GLYCTK: variants seen among roughly 807,000 people sequenced by gnomAD.
GLYCTK encodes the protein HBeAg binding protein 4.
Under a neutral mutation model 24.8 loss-of-function variants are expected in GLYCTK, and 22 were observed. That is an observed-to-expected ratio of 0.89 (90% CI 0.63 to 1.27). The LOEUF (loss-of-function observed/expected upper bound fraction) is 1.27. GLYCTK is among the 50% of genes most tolerant of loss of function. The probability of loss-of-function intolerance (pLI) is 0.00; values close to 1 mark genes in which losing one functional copy is unlikely to be tolerated. For synonymous variants in GLYCTK, 320 were observed against 297.2 expected, an observed-to-expected ratio of 1.08 and a Z score of -0.79; for missense variants, 684 against 686.7, an observed-to-expected ratio of 1.00 and a Z score of 0.04.
Position 52,293,331 on chromosome 3 carries a change from C to G in GLYCTK, c.*205C>G, listed in dbSNP as rs1481687129. Reference sequence around the variant, plus strand: ...GCCAGACTGGCAGATGGGGGCTTCCCCCTACCCCTGAGGATGAGGACAAGC... The same window carrying G: ...GCCAGACTGGCAGATGGGGGCTTCCGCCTACCCCTGAGGATGAGGACAAGC... On this transcript the variant is annotated 3_prime_UTR_variant, in exon 5 of 5. Coordinates refer to ENST00000436784, the MANE Select transcript of GLYCTK (RefSeq NM_145262.4). 1 of 709,536 alleles carries G rather than the reference C, an allele frequency of 1.4e-6. No homozygotes were observed. Among genetic ancestry groups the G allele is most frequent in the Non-Finnish European group, 2.5e-6 (1 of 393,068 alleles). The allele number at this position is 709,536 out of a possible 1,614,324, so 44.0% of individuals were successfully genotyped here. A position where few individuals can be genotyped will look rare whatever the true frequency, so the allele number is the denominator to read the frequency against.
chr3:52,294,237 C>G lies in GLYCTK; in HGVS notation c.*1111C>G, dbSNP rs201615303. ...CGCTGGCTGTCCCCGCCGTGCGCCA[C>G]GGCTCCAATCCCTATATGAGTGAGC... On this transcript the variant is annotated 3_prime_UTR_variant, in exon 5 of 5. Transcript: ENST00000436784. 1 of 534,788 alleles carries G rather than the reference C, an allele frequency of 1.9e-6. No homozygotes were observed. Among genetic ancestry groups the G allele is most frequent in the Non-Finnish European group, 3.8e-6 (1 of 260,102 alleles). 33.1% of individuals were successfully genotyped at this position (534,788 alleles called of 1,614,324 possible).
In GLYCTK at chr3:52,294,283, A is replaced by G. The variant is rs369542511; in HGVS notation, c.*1157A>G. The G allele has an allele frequency of 1.9e-6, 1 of 534,770 alleles. No individual in the cohort carries two copies. Among genetic ancestry groups the G allele is most frequent in the Non-Finnish European group, 3.8e-6 (1 of 260,092 alleles). 33.1% of individuals were successfully genotyped at this position (534,770 alleles called of 1,614,324 possible). On this transcript the variant is annotated 3_prime_UTR_variant, in exon 5 of 5. Coordinates refer to ENST00000436784, the MANE Select transcript of GLYCTK (RefSeq NM_145262.4). ...TGAGCAGTAGAATCACATAGGAATAAAAAGCCATAGAGAACAGCGAGGCCT... is the reference window on the plus strand; with the variant it reads ...TGAGCAGTAGAATCACATAGGAATAGAAAGCCATAGAGAACAGCGAGGCCT...
Position 52,293,899 on chromosome 3 carries a change from AC to A in GLYCTK, c.*779del. 2.2e-6 allele frequency: 1 copy of A among 453,456 alleles called. No individual in the cohort carries two copies. Among genetic ancestry groups the A allele is most frequent in the South Asian group, 1.6e-5 (1 of 64,440 alleles). 28.1% of individuals were successfully genotyped at this position (453,456 alleles called of 1,614,324 possible). On this transcript the variant is annotated 3_prime_UTR_variant, in exon 5 of 5. Coordinates refer to ENST00000436784, the MANE Select transcript of GLYCTK (RefSeq NM_145262.4). The stretch of plus-strand genomic sequence containing the variant: ...TTCTGGTTGAGCTGAAGTTTGTCCC[AC>A]CCCCCAGTGCTGTTTCCTTGTGACA...
In GLYCTK at chr3:52,292,597, A is replaced by T. The variant is rs1700515942; in HGVS notation, c.1043A>T (p.Tyr348Phe). ...QGDVKSMAQF[Y>F]GLLAHVARTR... is the part of the protein sequence containing the mutation. ...GATGTAAAAAGTATGGCCCAGTTCT[A>T]CGGGCTGCTGGCCCATGTGGCTAGA... The change falls in exon 5 of 5, where the codon TAC becomes TTC. Residue 348 changes from tyrosine to phenylalanine, a missense_variant. By Grantham distance (22) the Tyr-to-Phe change is conservative. Transcript: ENST00000436784. 6.2e-7 allele frequency: 1 copy of T among 1,613,650 alleles called. No homozygotes were observed. The highest frequency in any genetic ancestry group is 1.3e-5 in the African/African-American group (1 of 74,938).
Position 52,292,337 on chromosome 3 carries a change from C to A in GLYCTK, c.783C>A (p.Ser261=). 1.9e-6 allele frequency: 3 copies of A among 1,614,028 alleles called. No homozygotes were observed. Among genetic ancestry groups the A allele is most frequent in the Non-Finnish European group, 2.5e-6 (3 of 1,180,000 alleles). Residue 261 remains serine, a synonymous_variant, in exon 5 of 5, where the codon TCC becomes TCA. Transcript: ENST00000436784. ...CCAGTGGCCCCACCGTGGCCAGTTC[C>A]CACAATGTGCAAGATTGCCTGCATA... ...VIASGPTVAS[S]HNVQDCLHIL...
chr3:52,290,072 C>T (rs761807851), intron 1 of GLYCTK: 14 of 534,186 alleles, frequency 2.6e-5, no homozygotes, highest in African/African-American at 3.8e-5. Context: ...ATCCAGAGGG[C>T]CGGCATGTGG....
chr3:52,292,048 C>T, intron 4 of GLYCTK, 126 bp downstream of exon 4: 1 of 1,165,312 alleles, frequency 8.6e-7, no homozygotes, highest in Non-Finnish European at 1.2e-6. Context: ...ATGGGGCCGG[C>T]TGGGTGACAT....
rs563928797 is a variant in GLYCTK, at chr3:52,292,943, C to G, written c.1389C>G (p.Ala463=). ...GQDGPTEAAG[A]WVTPELASQA... ...ATGGGCCCACAGAGGCTGCTGGGGC[C>G]TGGGTCACACCTGAGCTTGCCAGCC... is the stretch of plus-strand genomic sequence containing the variant. The change falls in exon 5 of 5, where the codon GCC becomes GCG. Residue 463 remains alanine, a synonymous_variant. Transcript: ENST00000436784. The G allele has an allele frequency of 1.2e-6, 2 of 1,614,072 alleles. No individual in the cohort carries two copies. The highest frequency in any genetic ancestry group is 1.7e-5 in the Admixed American group (1 of 60,024).
In GLYCTK at chr3:52,290,469, G is replaced by T. The variant is rs546919622; in HGVS notation, c.127G>T (p.Glu43Ter). The change falls in exon 2 of 5, where the codon GAG (glutamate) becomes TAG (stop). Residue 43 changes from glutamate to a stop codon, truncating the protein, a stop_gained. Transcript: ENST00000436784. LOFTEE classifies it high-confidence loss of function. Reference protein sequence around the residue: ...ALAEQARQLFESAVGAVLPGP... With the variant: ...ALAEQARQLF The stretch of plus-strand genomic sequence containing the variant: ...GGCAGAGCAGGCCAGGCAGCTGTTT[G>T]AGAGTGCTGTAGGTGCAGTGCTGCC... 2 of 1,613,088 alleles carry T rather than the reference G, an allele frequency of 1.2e-6. No homozygotes were observed. Among genetic ancestry groups the T allele is most frequent in the Admixed American group, 3.3e-5 (2 of 60,026 alleles).
rs368572307 is a variant in GLYCTK, at chr3:52,290,792, G to A, written c.377+73G>A. On this transcript the variant is annotated intron_variant, in intron 2 of 4. Coordinates refer to ENST00000436784, the MANE Select transcript of GLYCTK (RefSeq NM_145262.4). ...CCTGGGCCCAGACACAGGCTGAATC[G>A]GGCCTCCCCTCCCCACCCGCTTCCC... 4.8e-4 allele frequency: 764 copies of A among 1,588,850 alleles called. 9 individuals carry two copies. In the East Asian group the frequency reaches 0.016, roughly 33 times the overall value.
chr3:52,291,815 A>G lies in GLYCTK; in HGVS notation c.598A>G (p.Arg200Gly). The G allele has an allele frequency of 6.2e-7, 1 of 1,613,766 alleles. No homozygotes were observed. Among genetic ancestry groups the G allele is most frequent in the Non-Finnish European group, 8.5e-7 (1 of 1,179,920 alleles). The change falls in exon 4 of 5, where the codon AGA becomes GGA. Residue 200 changes from arginine (R) to glycine (G), a missense_variant. Transcript: ENST00000436784. ...ACTGGAGGAGAAGCAGACACTCACT[A>G]GACTGCTGGCAGCCCGTGGAGCCAC... is the stretch of plus-strand genomic sequence containing the variant. Reference protein sequence around the residue: ...VTLEEKQTLTRLLAARGATIQ... With the variant: ...VTLEEKQTLTGLLAARGATIQ...
chr3:52,291,332 A>G (rs949449308), intron 3 of GLYCTK: 2 of 614,026 alleles, frequency 3.3e-6, no homozygotes, highest in Non-Finnish European at 5.8e-6. Flanking sequence ...TTTCGGTGAC[A>G]GTGAGAGGGT....
In GLYCTK at chr3:52,293,998, C is replaced by T; in HGVS notation, c.*872C>T. 2.3e-6 allele frequency: 1 copy of T among 428,138 alleles called. No homozygotes were observed. Among genetic ancestry groups the T allele is most frequent in the Non-Finnish European group, 4.7e-6 (1 of 210,556 alleles). The allele number at this position is 428,138 out of a possible 1,614,324, so 26.5% of individuals were successfully genotyped here. A position where few individuals can be genotyped will look rare whatever the true frequency, so the allele number is the denominator to read the frequency against. ...GGGGACCAAGTCCAGACCCTGAAGT[C>T]AGCCCTTCAGTGGGGGTCCCAGCAC... On this transcript the variant is annotated 3_prime_UTR_variant, in exon 5 of 5. Coordinates refer to ENST00000436784, the MANE Select transcript of GLYCTK (RefSeq NM_145262.4).
rs546297771 is a variant in GLYCTK, at chr3:52,287,844, A to G, written c.-72A>G. On this transcript the variant is annotated 5_prime_UTR_variant, in exon 1 of 5. Transcript: ENST00000436784. ...CCACCCCCTAGTACTTCCGTTCTCCAGCGCTGGGCACCGCGGCCGGAGCTG... is the reference window on the plus strand; with the variant it reads ...CCACCCCCTAGTACTTCCGTTCTCCGGCGCTGGGCACCGCGGCCGGAGCTG... 1.3e-5 allele frequency: 6 copies of G among 452,772 alleles called. No individual in the cohort carries two copies. The highest frequency in any genetic ancestry group is 2.7e-5 in the Non-Finnish European group (6 of 226,016). The allele number at this position is 452,772 out of a possible 1,614,324, so 28.0% of individuals were successfully genotyped here. A position where few individuals can be genotyped will look rare whatever the true frequency, so the allele number is the denominator to read the frequency against.
Position 52,292,861 on chromosome 3 carries a change from G to T in GLYCTK, c.1307G>T (p.Arg436Met), listed in dbSNP as rs760946607. ...CTGCGTGTTGGAGCAGAGTTGAGAA[G>T]GTGGCCGCTGGGGCCGATAGATGTG... The part of the protein sequence containing the change: ...LALRVGAELR[R>M]WPLGPIDVLF... The change falls in exon 5 of 5, where the codon AGG (arginine) becomes ATG (methionine). Residue 436 changes from arginine (R) to methionine (M), a missense_variant. Arg to Met is a moderately conservative substitution (Grantham distance 91). Coordinates refer to ENST00000436784, the MANE Select transcript of GLYCTK (RefSeq NM_145262.4). 45 of 1,613,872 alleles carry T rather than the reference G, an allele frequency of 2.8e-5. No individual in the cohort carries two copies. The highest frequency in any genetic ancestry group is 3.6e-5 in the Non-Finnish European group (43 of 1,179,984).
chr3:52,294,232 C>T lies in GLYCTK; in HGVS notation c.*1106C>T, dbSNP rs534564382. On this transcript the variant is annotated 3_prime_UTR_variant, in exon 5 of 5. Transcript: ENST00000436784. ...CCCTCCGCTGGCTGTCCCCGCCGTG[C>T]GCCACGGCTCCAATCCCTATATGAG... 3.2e-5 allele frequency: 17 copies of T among 534,730 alleles called. No individual in the cohort carries two copies. Among genetic ancestry groups the T allele is most frequent in the African/African-American group, 3.8e-5 (2 of 52,090 alleles). The allele number at this position is 534,730 out of a possible 1,614,324, so 33.1% of individuals were successfully genotyped here. A position where few individuals can be genotyped will look rare whatever the true frequency, so the allele number is the denominator to read the frequency against.
In GLYCTK at chr3:52,293,593, G is replaced by C. The variant is rs1216780673; in HGVS notation, c.*467G>C. ...CAGGACTCTTAACACCCCTCTACTG[G>C]GCTGGGTACGTGCAGGATGTGCCTC... On this transcript the variant is annotated 3_prime_UTR_variant, in exon 5 of 5. Coordinates refer to ENST00000436784, the MANE Select transcript of GLYCTK (RefSeq NM_145262.4). 2 of 456,662 alleles carry C rather than the reference G, an allele frequency of 4.4e-6. No homozygotes were observed. Among genetic ancestry groups the C allele is most frequent in the South Asian group, 1.6e-5 (1 of 64,510 alleles). 28.3% of individuals were successfully genotyped at this position (456,662 alleles called of 1,614,324 possible). A position where few individuals can be genotyped will look rare whatever the true frequency, so the allele number is the denominator to read the frequency against.
Position 52,294,017 on chromosome 3 carries a change from C to A in GLYCTK, c.*891C>A. 2.4e-6 allele frequency: 1 copy of A among 424,934 alleles called. No individual in the cohort carries two copies. Among genetic ancestry groups the A allele is most frequent in the Non-Finnish European group, 4.8e-6 (1 of 208,510 alleles). 26.3% of individuals were successfully genotyped at this position (424,934 alleles called of 1,614,324 possible). Reference sequence around the variant, plus strand: ...TGAAGTCAGCCCTTCAGTGGGGGTCCCAGCACTGGGATGGTGGGTCCAGCC... The same window carrying A: ...TGAAGTCAGCCCTTCAGTGGGGGTCACAGCACTGGGATGGTGGGTCCAGCC... On this transcript the variant is annotated 3_prime_UTR_variant, in exon 5 of 5. Transcript: ENST00000436784.
In GLYCTK at chr3:52,294,675, T is replaced by A; in HGVS notation, c.*1549T>A. 1 of 442,716 alleles carries A rather than the reference T, an allele frequency of 2.3e-6. No homozygotes were observed. The highest frequency in any genetic ancestry group is 1.6e-5 in the South Asian group (1 of 63,260). The allele number at this position is 442,716 out of a possible 1,614,324, so 27.4% of individuals were successfully genotyped here. On this transcript the variant is annotated 3_prime_UTR_variant, in exon 5 of 5. Coordinates refer to ENST00000436784, the MANE Select transcript of GLYCTK (RefSeq NM_145262.4). ...GGTTATGGTGATCCTCGCATGATCC[T>A]GTGCCGTGGTGCTCCTCTGGCAGCG... is the stretch of plus-strand genomic sequence containing the variant.
Sources: allele counts gnomAD v4.1 joint callset, GRCh38; gene constraint gnomAD v4.1.1; transcripts MANE v1.5; gene names NCBI Gene and HGNC (gene_info 2026-07-23, HGNC 2026-07-21).